DPP6: variants seen among roughly 807,000 people sequenced by gnomAD.
The protein encoded by DPP6 is dipeptidyl peptidase like 6, also known as A-type potassium channel modulatory protein DPP6.
In DPP6, 69 loss-of-function variants were observed where a neutral mutation model predicts 122.6. That is an observed-to-expected ratio of 0.56 (90% confidence interval 0.46 to 0.69). The LOEUF is 0.69. Ranked by LOEUF, DPP6 falls within the 30% of genes least tolerant of loss-of-function variation. The pLI is 0.00. For synonymous variants in DPP6, 418 were observed against 433.1 expected, an observed-to-expected ratio of 0.97 and a Z score of 0.43; for missense variants, 928 against 1,116.9, an observed-to-expected ratio of 0.83 and a Z score of 2.41.
At chr7:153,916,219 C>T (rs1800307954) in intron 1 of DPP6, among the ~76,000 whole-genome samples, 1 of 152,032 alleles carries the variant, frequency 6.6e-6, no homozygotes, top group Admixed American at 6.6e-5. Flanking sequence ...TTGATCCTCC[C>T]ACCTTGGCCT....
chr7:153,995,455 G>A (rs1482268699), intron 1 of DPP6, among the ~76,000 whole-genome samples: 8 of 152,000 alleles, frequency 5.3e-5, no homozygotes, highest in African/African-American at 9.7e-5. Flanking sequence ...GGGTGGTGGC[G>A]GATGCCTGTA....
chr7:154,450,595 C>T (rs140359616), intron 2 of DPP6, among the ~76,000 whole-genome samples: 23 of 152,246 alleles, frequency 1.5e-4, no homozygotes, highest in African/African-American at 3.9e-4. Context: ...CAGTCTCCTG[C>T]GTGAGCGAGC....
intron 1 of DPP6, among the ~76,000 whole-genome samples, chr7:154,040,886 A>G (rs1799727584): frequency 6.7e-6 from 1 of 150,116 alleles, no homozygotes; most frequent in Non-Finnish European, 1.5e-5. Context: ...TGTCATCTTC[A>G]ACTCATAGCA....
At chr7:153,871,653 A>T in the DPP6 span, among the ~76,000 whole-genome samples, 4 of 152,108 alleles carry the variant, frequency 2.6e-5, no homozygotes, top group African/African-American at 9.7e-5. Flanking sequence ...CGCTGCACCC[A>T]CTGTCCTGCA....
chr7:153,948,414 G>C (rs1480616096), intron 1 of DPP6, among the ~76,000 whole-genome samples: 2 of 151,986 alleles, frequency 1.3e-5, no homozygotes, highest in African/African-American at 2.4e-5. Context: ...GGAGACTTTT[G>C]CCATAAATTC....
chr7:153,890,585 G>C (rs2128993153), intron 1 of DPP6, among the ~76,000 whole-genome samples: 1 of 151,892 alleles, frequency 6.6e-6, no homozygotes, highest in Admixed American at 6.6e-5. Flanking sequence ...AGTACAGCTA[G>C]AGGATTAAGA....
chr7:153,934,727 T>G (rs1475169319), intron 1 of DPP6, among the ~76,000 whole-genome samples: 6 of 150,980 alleles, frequency 4.0e-5, no homozygotes, highest in Admixed American at 1.3e-4. Context: ...GAGACAGCAG[T>G]GCAGACCTTG....
chr7:153,947,699 G>GT (rs1802013601), intron 1 of DPP6, among the ~76,000 whole-genome samples: 1 of 152,126 alleles, frequency 6.6e-6, no homozygotes, highest in South Asian at 2.1e-4. Flanking sequence ...ACAGGACAAA[G>GT]GGAGTGAGCT....
intron 1 of DPP6, among the ~76,000 whole-genome samples, chr7:153,956,454 A>G: frequency 6.6e-6 from 1 of 152,162 alleles, no homozygotes; most frequent in Admixed American, 6.5e-5. Context: ...CGGCTTACAG[A>G]GCATAGAAAG....
At chr7:154,813,972 C>T (rs1008977237) in intron 16 of DPP6, among the ~76,000 whole-genome samples, 20 of 148,230 alleles carry the variant, frequency 1.3e-4, no homozygotes, top group Admixed American at 1.4e-4. Context: ...CCTCCGCCTC[C>T]CAGGTTCAAG....
At chr7:154,175,913 C>G (rs1374131853) in intron 1 of DPP6, among the ~76,000 whole-genome samples, 1 of 152,036 alleles carries the variant, frequency 6.6e-6, no homozygotes, top group African/African-American at 2.4e-5. Flanking sequence ...GTCTCAAACT[C>G]CTGACCTCAA....
chr7:153,932,275 C>G (rs1457001727), intron 1 of DPP6, among the ~76,000 whole-genome samples: 1 of 152,068 alleles, frequency 6.6e-6, no homozygotes, highest in Non-Finnish European at 1.5e-5. Flanking sequence ...CATGTGCCAC[C>G]ACGCCTGGCT....
chr7:154,626,680 G>A (rs1242534424), intron 5 of DPP6, among the ~76,000 whole-genome samples: 1 of 152,216 alleles, frequency 6.6e-6, no homozygotes, highest in Admixed American at 6.5e-5. Context: ...TTTTGTGAAA[G>A]ACCAGTGACT....
chr7:154,557,797 C>G (rs1002353525), intron 4 of DPP6, among the ~76,000 whole-genome samples: 5 of 151,958 alleles, frequency 3.3e-5, no homozygotes, highest in African/African-American at 1.2e-4. Context: ...AATTCAAGAC[C>G]TGCAGTCTTG....
At chr7:154,800,289 A>G (rs1362152200) in intron 12 of DPP6, among the ~76,000 whole-genome samples, 1 of 152,236 alleles carries the variant, frequency 6.6e-6, no homozygotes, top group Non-Finnish European at 1.5e-5. Flanking sequence ...TTCTCTGGGC[A>G]TATCATATCT....
chr7:154,216,273 G>C (rs937283488), intron 1 of DPP6, among the ~76,000 whole-genome samples: 1 of 152,224 alleles, frequency 6.6e-6, no homozygotes, highest in African/African-American at 2.4e-5. Context: ...CATGCCCAGA[G>C]ACTGTCTGCC....
intron 1 of DPP6, among the ~76,000 whole-genome samples, chr7:153,912,120 A>G (rs1800116073): frequency 6.6e-6 from 1 of 152,218 alleles, no homozygotes; most frequent in Non-Finnish European, 1.5e-5. Context: ...AAAAAAAAAT[A>G]TGTACACTAA....
intron 1 of DPP6, among the ~76,000 whole-genome samples, chr7:154,369,008 G>T (rs1209066063): frequency 6.6e-6 from 1 of 152,170 alleles, no homozygotes; most frequent in Admixed American, 6.5e-5. Context: ...CCCTGTCTCA[G>T]CTCCAGGCCT....
the DPP6 span, among the ~76,000 whole-genome samples, chr7:153,880,796 G>A: frequency 3.3e-5 from 5 of 152,292 alleles, no homozygotes; most frequent in South Asian, 1.0e-3. Context: ...GAAGACCAAC[G>A]TGTTGTAATG....
Sources: gnomAD v4.1 joint callset for allele counts (sites outside exome capture counted in the v4.1 genomes callset) on GRCh38, gnomAD v4.1.1 for gene constraint, MANE v1.5 for transcripts, NCBI Gene and HGNC (gene_info 2026-07-23, HGNC 2026-07-21) for gene names.